PCP4L1: variants seen among roughly 807,000 people sequenced by gnomAD.
The protein encoded by PCP4L1 is Purkinje cell protein 4-like protein 1.
PCP4L1 carries 9 observed loss-of-function variants against 9.6 expected under a neutral mutation model. The observed-to-expected ratio is 0.94, with a 90% CI of 0.57 to 1.64. PCP4L1 has a LOEUF of 1.64. PCP4L1 is among the 40% of genes most tolerant of loss of function. The probability of loss-of-function intolerance (pLI) is 0.00; values close to 1 mark genes in which losing one functional copy is unlikely to be tolerated. For missense variants in PCP4L1, 81 were observed against 80.8 expected (o/e 1.00, Z -0.01); for synonymous variants, 31 against 28.2 (o/e 1.10, Z -0.31).
At chr1:161,267,734 G>C (rs1488756230) in intron 1 of PCP4L1, among the ~76,000 whole-genome samples, 1 of 146,940 alleles carries the variant, frequency 6.8e-6, no homozygotes, top group Non-Finnish European at 1.5e-5. Flanking sequence ...TTTAGACAGA[G>C]TCTGGCTCTG....
Position 161,258,800 on chromosome 1 carries a change from A to G in PCP4L1, c.-175A>G, listed in dbSNP as rs1669363983. The G allele has an allele frequency of 1.9e-6, 2 of 1,038,614 alleles. No individual in the cohort carries two copies. The highest frequency in any genetic ancestry group is 5.4e-5 in the East Asian group (2 of 37,160). The allele number at this position is 1,038,614 out of a possible 1,614,324, so 64.3% of individuals were successfully genotyped here. ...GTCGCCTGGCCGGAGCTGGGCTCCGAGAATCCCGGGTGCCAGCACCAGAGC... is the reference window on the plus strand; with the variant it reads ...GTCGCCTGGCCGGAGCTGGGCTCCGGGAATCCCGGGTGCCAGCACCAGAGC... On this transcript the variant is annotated 5_prime_UTR_variant, in exon 1 of 3. Transcript: ENST00000504449.
chr1:161,263,736 C>T (rs1669458743), intron 1 of PCP4L1, among the ~76,000 whole-genome samples: 1 of 151,498 alleles, frequency 6.6e-6, no homozygotes, highest in Non-Finnish European at 1.5e-5. Flanking sequence ...TACACGTCAC[C>T]ATGCCTGCTT....
At chr1:161,269,998 C>CAAAA (rs34089226) in intron 1 of PCP4L1, among the ~76,000 whole-genome samples, 1,541 of 145,820 alleles carry the variant, frequency 0.011, 36 homozygotes, top group African/African-American at 0.034. Flanking sequence ...GACCTTGTCT[C>CAAAA]AAAAAAAAAA....
chr1:161,282,091 G>T (rs1047900354), intron 1 of PCP4L1, among the ~76,000 whole-genome samples: 1 of 152,160 alleles, frequency 6.6e-6, no homozygotes, highest in Non-Finnish European at 1.5e-5. Flanking sequence ...CTCCAGCCGG[G>T]GCACCATTGA....
intron 1 of PCP4L1, among the ~76,000 whole-genome samples, chr1:161,265,658 C>A (rs1056906442): frequency 2.0e-5 from 3 of 151,544 alleles, no homozygotes; most frequent in Admixed American, 6.6e-5. Context: ...CGACCTGCTG[C>A]TCAAAATGGC....
chr1:161,279,552 C>A (rs1207116270), intron 1 of PCP4L1, among the ~76,000 whole-genome samples: 8 of 152,130 alleles, frequency 5.3e-5, no homozygotes, highest in Admixed American at 5.2e-4. Context: ...AAAGCAGAAC[C>A]CTTACGTCTG....
chr1:161,283,357 A>G (rs966868346), intron 1 of PCP4L1, among the ~76,000 whole-genome samples: 1 of 152,108 alleles, frequency 6.6e-6, no homozygotes, highest in African/African-American at 2.4e-5. Context: ...CCTTTTCTCC[A>G]TAGCACTTAT....
chr1:161,271,849 G>C (rs1253115087), intron 1 of PCP4L1, among the ~76,000 whole-genome samples: 1 of 151,458 alleles, frequency 6.6e-6, no homozygotes, highest in Admixed American at 6.6e-5. Flanking sequence ...CTGTCACCCA[G>C]GCTGGAGTGC....
chr1:161,285,041 A>G lies in PCP4L1; in HGVS notation c.*560A>G, dbSNP rs749470888. On this transcript the variant is annotated 3_prime_UTR_variant, in exon 3 of 3. Transcript: ENST00000504449. ...CACAATAGTGCATGCTGAGTAGATT[A>G]GTTCCAAGGAAGGGAGACTGGAATG... 4 of 153,738 alleles carry G rather than the reference A, an allele frequency of 2.6e-5. No individual in the cohort carries two copies. Among genetic ancestry groups the G allele is most frequent in the Non-Finnish European group, 4.3e-5 (3 of 69,070 alleles). 9.5% of individuals were successfully genotyped at this position (153,738 alleles called of 1,614,324 possible).
At chr1:161,272,419 A>G (rs9427370) in intron 1 of PCP4L1, among the ~76,000 whole-genome samples, 69,239 of 151,290 alleles carry the variant, frequency 0.46, 16,252 homozygotes, top group East Asian at 0.64. Context: ...TTAGCCAGGC[A>G]TGGTGGTGGG....
intron 1 of PCP4L1, among the ~76,000 whole-genome samples, chr1:161,263,863 C>T (rs1204088719): frequency 1.3e-5 from 2 of 148,170 alleles, no homozygotes; most frequent in Non-Finnish European, 3.0e-5. Flanking sequence ...GGATTACAGG[C>T]ATGAGCTACC....
At chr1:161,281,805 GCGCTCCT>G (rs1669817353) in intron 1 of PCP4L1, among the ~76,000 whole-genome samples, 1 of 51,698 alleles carries the variant, frequency 1.9e-5, no homozygotes, top group Non-Finnish European at 3.4e-5. Context: ...CGGGGCAGAG[GCGCTCCT>G]CACATCCCGG....
At chr1:161,281,782 C>T (rs1291497354) in intron 1 of PCP4L1, among the ~76,000 whole-genome samples, 41 of 22,746 alleles carry the variant, frequency 1.8e-3, no homozygotes, top group South Asian at 4.5e-3. Context: ...TCCTCACATC[C>T]CGGACGGGGC....
At chr1:161,270,181 C>T (rs974244282) in intron 1 of PCP4L1, among the ~76,000 whole-genome samples, 3 of 151,760 alleles carry the variant, frequency 2.0e-5, no homozygotes, top group Non-Finnish European at 4.4e-5. Flanking sequence ...CCTGTAATCC[C>T]GGCTACTCGG....
At chr1:161,264,966 C>G (rs762801584) in intron 1 of PCP4L1, among the ~76,000 whole-genome samples, 2 of 152,264 alleles carry the variant, frequency 1.3e-5, no homozygotes, top group African/African-American at 2.4e-5. Context: ...CAGGTACTAT[C>G]CATCATTACG....
chr1:161,270,641 A>AG (rs1303710059), intron 1 of PCP4L1, among the ~76,000 whole-genome samples: 2 of 150,958 alleles, frequency 1.3e-5, no homozygotes, highest in Non-Finnish European at 1.5e-5. Flanking sequence ...TGGGAGGCTT[A>AG]GGCGGGAGGA....
intron 1 of PCP4L1, among the ~76,000 whole-genome samples, chr1:161,261,388 G>T (rs1669413800): frequency 6.6e-6 from 1 of 152,216 alleles, no homozygotes; most frequent in African/African-American, 2.4e-5. Context: ...ACTCATTACT[G>T]CAGTAGAGCA....
intron 1 of PCP4L1, among the ~76,000 whole-genome samples, chr1:161,281,805 GCGC>G (rs1669817326): frequency 2.7e-4 from 14 of 51,698 alleles, no homozygotes; most frequent in African/African-American, 1.0e-4. Context: ...CGGGGCAGAG[GCGC>G]TCCTCACATC....
chr1:161,273,734 A>G (rs1234140139), intron 1 of PCP4L1, among the ~76,000 whole-genome samples: 1 of 152,226 alleles, frequency 6.6e-6, no homozygotes, highest in Non-Finnish European at 1.5e-5. Context: ...GATTAGATCA[A>G]TTAGAGCAGA....
Sources: gnomAD v4.1 joint callset for allele counts (sites outside exome capture counted in the v4.1 genomes callset) on GRCh38, gnomAD v4.1.1 for gene constraint, MANE v1.5 for transcripts, NCBI Gene and HGNC (gene_info 2026-07-23, HGNC 2026-07-21) for gene names.